The following RGS6 variants were observed in gnomAD, a reference collection of about 807,000 sequenced individuals.
RGS6 encodes the protein regulator of G-protein signaling 6.
In RGS6, 30 loss-of-function variants were observed where a neutral mutation model predicts 78.5. That is an observed-to-expected ratio of 0.38 (90% CI 0.29 to 0.52). RGS6 has a LOEUF of 0.52. Ranked by LOEUF, RGS6 falls within the 20% of genes least tolerant of loss-of-function variation. The pLI is 0.85. For synonymous variants in RGS6, 206 were observed against 206.0 expected, an observed-to-expected ratio of 1.00 and a Z score of 0.00; for missense variants, 495 against 609.7, an observed-to-expected ratio of 0.81 and a Z score of 1.98.
the RGS6 span, among the ~76,000 whole-genome samples, chr14:72,593,577 G>A: frequency 2.2e-3 from 333 of 152,226 alleles, no homozygotes; most frequent in Non-Finnish European, 3.7e-3. Context: ...AGCAGAGATG[G>A]AGTTTCACCA....
At chr14:72,043,948 C>G (rs954689818) in intron 2 of RGS6, among the ~76,000 whole-genome samples, 2 of 152,172 alleles carry the variant, frequency 1.3e-5, no homozygotes, top group African/African-American at 4.8e-5. Flanking sequence ...CTTCCTTGTT[C>G]CGCTTCTCCT....
At chr14:72,623,486 ATG>A in the RGS6 span, among the ~76,000 whole-genome samples, 10 of 151,570 alleles carry the variant, frequency 6.6e-5, no homozygotes, top group Non-Finnish European at 1.3e-4. Context: ...CTGCATATAT[ATG>A]TGTGTGTGTG....
chr14:72,589,006 A>C, the RGS6 span, among the ~76,000 whole-genome samples: 14 of 152,328 alleles, frequency 9.2e-5, no homozygotes, highest in East Asian at 2.7e-3. Flanking sequence ...AGAGTTGGGA[A>C]GCTTGCCTCA....
At chr14:72,097,653 T>C (rs564760564) in intron 2 of RGS6, among the ~76,000 whole-genome samples, 15 of 152,310 alleles carry the variant, frequency 9.8e-5, no homozygotes, top group Admixed American at 3.3e-4. Context: ...GCTGTGTTGC[T>C]GCTGCTACCT....
chr14:72,493,300 A>G (rs887036566), intron 12 of RGS6, among the ~76,000 whole-genome samples: 2 of 152,226 alleles, frequency 1.3e-5, no homozygotes, highest in African/African-American at 4.8e-5. Flanking sequence ...TAGAACTCAT[A>G]TTATCTGAGA....
intron 3 of RGS6, among the ~76,000 whole-genome samples, chr14:72,389,134 T>A (rs1354864283): frequency 6.6e-6 from 1 of 152,138 alleles, no homozygotes; most frequent in Non-Finnish European, 1.5e-5. Flanking sequence ...GAATACAGAT[T>A]GTGGAGCTGG....
chr14:72,207,156 A>G (rs2042913269), intron 2 of RGS6, among the ~76,000 whole-genome samples: 1 of 152,218 alleles, frequency 6.6e-6, no homozygotes. Flanking sequence ...TGTAATTACT[A>G]TTAATCTTCC....
At chr14:72,069,437 A>G (rs1049590702) in intron 2 of RGS6, among the ~76,000 whole-genome samples, 1 of 152,186 alleles carries the variant, frequency 6.6e-6, no homozygotes, top group Admixed American at 6.5e-5. Flanking sequence ...CTCCTAAACA[A>G]TAGCTCAGAA....
intron 2 of RGS6, among the ~76,000 whole-genome samples, chr14:72,085,158 C>T (rs1408877592): frequency 2.6e-5 from 4 of 152,152 alleles, no homozygotes; most frequent in Non-Finnish European, 5.9e-5. Flanking sequence ...ATCTTTGCAA[C>T]AGTAAGGCGT....
intron 2 of RGS6, among the ~76,000 whole-genome samples, chr14:72,338,471 C>T (rs927438892): frequency 1.3e-5 from 2 of 152,164 alleles, no homozygotes; most frequent in Non-Finnish European, 2.9e-5. Context: ...ATTATCTCTC[C>T]ACTAGGTCCT....
chr14:72,176,404 C>G (rs191807419), intron 2 of RGS6, among the ~76,000 whole-genome samples: 1 of 152,334 alleles, frequency 6.6e-6, no homozygotes, highest in Admixed American at 6.5e-5. Context: ...TGCAGACTTG[C>G]TGTGGTGCCT....
chr14:72,412,584 CTTAGT>C (rs913696906), intron 3 of RGS6, among the ~76,000 whole-genome samples: 18 of 152,056 alleles, frequency 1.2e-4, no homozygotes, highest in African/African-American at 4.3e-4. Flanking sequence ...CTCCTCTGAT[CTTAGT>C]TATTTCTTGC....
intron 2 of RGS6, among the ~76,000 whole-genome samples, chr14:72,163,452 C>T (rs543676606): frequency 3.0e-4 from 45 of 152,260 alleles, no homozygotes; most frequent in South Asian, 1.7e-3. Flanking sequence ...AGGCAGGTAC[C>T]GGACTCTCAA....
intron 3 of RGS6, among the ~76,000 whole-genome samples, chr14:72,406,153 G>A (rs941892631): frequency 3.3e-5 from 5 of 152,174 alleles, no homozygotes; most frequent in East Asian, 1.9e-4. Flanking sequence ...TTGGGAGGCC[G>A]AGGCAGGCAG....
chr14:71,977,756 G>T (rs975374634), intron 2 of RGS6, among the ~76,000 whole-genome samples: 1 of 151,612 alleles, frequency 6.6e-6, no homozygotes, highest in Admixed American at 6.6e-5. Flanking sequence ...GCTCTTTTTT[G>T]GTTCCATATG....
the RGS6 span, among the ~76,000 whole-genome samples, chr14:72,618,457 C>T: frequency 6.6e-6 from 1 of 152,190 alleles, no homozygotes; most frequent in African/African-American, 2.4e-5. Context: ...GAGGCAGAGG[C>T]TTGACCGTCT....
At chr14:72,160,077 C>T (rs1275573471) in intron 2 of RGS6, among the ~76,000 whole-genome samples, 1 of 152,154 alleles carries the variant, frequency 6.6e-6, no homozygotes, top group Admixed American at 6.5e-5. Context: ...TAACTTTGTA[C>T]TAAATGGCTC....
intron 2 of RGS6, among the ~76,000 whole-genome samples, chr14:71,979,223 T>G (rs1694754656): frequency 6.7e-6 from 1 of 149,284 alleles, no homozygotes. Flanking sequence ...AGCTCCTGGA[T>G]TCATTAATTT....
At chr14:72,325,370 T>C (rs140990607) in intron 2 of RGS6, among the ~76,000 whole-genome samples, 1,546 of 152,326 alleles carry the variant, frequency 0.01, 9 homozygotes, top group Middle Eastern at 0.031. Flanking sequence ...AGATCCCATT[T>C]CTCAATTTTG....
Sources: allele counts gnomAD v4.1 joint callset (sites outside exome capture counted in the v4.1 genomes callset), GRCh38; gene constraint gnomAD v4.1.1; transcripts MANE v1.5; gene names NCBI Gene and HGNC (gene_info 2026-07-23, HGNC 2026-07-21).